The following INSL6 variants were observed in gnomAD, a reference collection of about 807,000 sequenced individuals.
INSL6 encodes the protein insulin like 6.
Under a neutral mutation model 9.4 loss-of-function variants are expected in INSL6, and 16 were observed. The ratio of observed to expected loss-of-function variants is 1.70; its 90% CI spans 1.15 to 2.59. INSL6 has a LOEUF of 2.59. Ranked by LOEUF, INSL6 falls within the 30% of genes most tolerant of loss-of-function variation. INSL6 has a pLI of 0.00. For missense variants in INSL6, 391 were observed against 257.3 expected, an observed-to-expected ratio of 1.52 and a Z score of -3.56; for synonymous variants, 154 against 96.9, an observed-to-expected ratio of 1.59 and a Z score of -3.46.
At chr9:5,170,569 T>G (rs1825157875) in intron 1 of INSL6, among the ~76,000 whole-genome samples, 1 of 149,226 alleles carries the variant, frequency 6.7e-6, no homozygotes, top group Non-Finnish European at 1.5e-5. Flanking sequence ...TTTTTTTTTT[T>G]GGAAAAACTA....
Position 5,151,950 on chromosome 9 carries a change from T to C in INSL6, c.376+12229A>G, listed in dbSNP as rs539065873. ...TAAAAATAAAAGATTGGGAAAATGATATATGATGGAAACACTAATTATAAG... is the reference window on the plus strand; with the variant it reads ...TAAAAATAAAAGATTGGGAAAATGACATATGATGGAAACACTAATTATAAG... On this transcript the variant is annotated intron_variant, in intron 2 of 3. Coordinates refer to the INSL6 transcript ENST00000649639. Among the ~76,000 whole-genome samples, 73 of 152,246 alleles carry C rather than the reference T, an allele frequency of 4.8e-4. 1 individual carries two copies. Among genetic ancestry groups the C allele is most frequent in the Admixed American group, 3.5e-3 (53 of 15,302 alleles).
At chr9:5,005,908 A>G in the INSL6 span, among the ~76,000 whole-genome samples, 1 of 152,148 alleles carries the variant, frequency 6.6e-6, no homozygotes, top group South Asian at 2.1e-4. Flanking sequence ...CTTGTAGTAT[A>G]GTTTGAAGTC....
the INSL6 span, chr9:5,066,533 C>T: frequency 5.6e-6 from 3 of 532,820 alleles, no homozygotes; most frequent in Non-Finnish European, 3.3e-6. Flanking sequence ...TGATTTTTTC[C>T]TTTGAAAGAT....
At chr9:5,069,142 A>ATCT in the INSL6 span, 1 of 1,613,298 alleles carries the variant, frequency 6.2e-7, no homozygotes, top group Non-Finnish European at 8.5e-7. Context: ...TTGTTACCAG[A>ATCT]TGGAAACTGT....
At chr9:5,170,023 G>A (rs1825142785) in intron 1 of INSL6, among the ~76,000 whole-genome samples, 1 of 152,184 alleles carries the variant, frequency 6.6e-6, no homozygotes, top group African/African-American at 2.4e-5. Flanking sequence ...GGACCTGATA[G>A]ATATCTACAG....
chr9:5,021,953 T>A, the INSL6 span: 1 of 1,515,036 alleles, frequency 6.6e-7, no homozygotes, highest in Non-Finnish European at 9.2e-7. Context: ...TTTATTGTTT[T>A]CTCTTACAGG....
the INSL6 span, among the ~76,000 whole-genome samples, chr9:5,089,123 T>C: frequency 6.6e-6 from 1 of 152,258 alleles, no homozygotes; most frequent in Non-Finnish European, 1.5e-5. Context: ...AAATGCTTTT[T>C]TGAAGTAATT....
At chr9:4,998,220 G>T in the INSL6 span, among the ~76,000 whole-genome samples, 10 of 151,992 alleles carry the variant, frequency 6.6e-5, no homozygotes, top group Non-Finnish European at 1.3e-4. Flanking sequence ...TGATGGTATT[G>T]AAATGAGATC....
At chr9:5,055,784 A>C in the INSL6 span, 1 of 1,609,914 alleles carries the variant, frequency 6.2e-7, no homozygotes, top group Non-Finnish European at 8.5e-7. Context: ...GATGGTAAAA[A>C]TCTGGTAAGT....
At chr9:5,143,089 G>A (rs929438289) in intron 2 of INSL6, among the ~76,000 whole-genome samples, 5 of 152,050 alleles carry the variant, frequency 3.3e-5, no homozygotes, top group South Asian at 2.1e-4. Flanking sequence ...GCTGGATTCC[G>A]TTTGCCAGTA....
At chr9:5,080,100 T>C in the INSL6 span, 14 of 700,226 alleles carry the variant, frequency 2.0e-5, no homozygotes, top group African/African-American at 2.2e-4. Context: ...CATGTGCACA[T>C]CCAACCCCTC....
At chr9:5,106,997 T>C in the INSL6 span, among the ~76,000 whole-genome samples, 16 of 152,138 alleles carry the variant, frequency 1.1e-4, no homozygotes, top group Non-Finnish European at 1.0e-4. Context: ...AACCTGCACA[T>C]TGTGCACATG....
chr9:5,133,783 C>G (rs1357124203), intron 2 of INSL6, among the ~76,000 whole-genome samples: 5 of 151,970 alleles, frequency 3.3e-5, no homozygotes, highest in African/African-American at 1.2e-4. Flanking sequence ...CAGAATGCCT[C>G]TTTTCCTCCA....
chr9:4,994,714 T>C, the INSL6 span, among the ~76,000 whole-genome samples: 1 of 152,054 alleles, frequency 6.6e-6, no homozygotes, highest in East Asian at 1.9e-4. Flanking sequence ...CTGGCTAAAT[T>C]TGGTATGTGT....
intron 1 of INSL6, among the ~76,000 whole-genome samples, chr9:5,179,475 C>T (rs1471752934): frequency 6.6e-6 from 1 of 150,942 alleles, no homozygotes; most frequent in Non-Finnish European, 1.5e-5. Context: ...TACCATTTGA[C>T]CCAGCAATCC....
the INSL6 span, among the ~76,000 whole-genome samples, chr9:5,030,340 T>G: frequency 1.1e-4 from 16 of 152,288 alleles, 1 homozygote; most frequent in African/African-American, 3.6e-4. Context: ...CAGCCTCAAA[T>G]TGTAAGTTAA....
chr9:4,997,147 G>A, the INSL6 span, among the ~76,000 whole-genome samples: 1 of 151,920 alleles, frequency 6.6e-6, no homozygotes, highest in African/African-American at 2.4e-5. Flanking sequence ...ACTCAGTCTG[G>A]TCTTGAACTC....
intron 1 of INSL6, among the ~76,000 whole-genome samples, chr9:5,171,903 T>A (rs1470302142): frequency 6.6e-6 from 1 of 152,178 alleles, no homozygotes; most frequent in Non-Finnish European, 1.5e-5. Flanking sequence ...AAAATGGCCA[T>A]CCTGCCCAAA....
chr9:5,170,208 C>A (rs1825147298), intron 1 of INSL6, among the ~76,000 whole-genome samples: 1 of 152,154 alleles, frequency 6.6e-6, no homozygotes, highest in Non-Finnish European at 1.5e-5. Context: ...TCACTCAAAA[C>A]CACATAAGTA....
Sources: gnomAD v4.1 joint callset for allele counts (sites outside exome capture counted in the v4.1 genomes callset) on GRCh38, gnomAD v4.1.1 for gene constraint, MANE v1.5 for transcripts, NCBI Gene and HGNC (gene_info 2026-07-23, HGNC 2026-07-21) for gene names.